Variants in MFN1 observed in about 807,000 individuals in gnomAD.
MFN1 encodes mitofusin-1.
In MFN1, 65 loss-of-function variants were observed where a neutral mutation model predicts 92.4. That is an observed-to-expected ratio of 0.70 (90% CI 0.58 to 0.86). The LOEUF is 0.86. MFN1 is among the 40% of genes least tolerant of loss of function. The pLI is 0.00. For synonymous variants in MFN1, 297 were observed against 300.9 expected, an observed-to-expected ratio of 0.99 and a Z score of 0.13; for missense variants, 781 against 868.0, an observed-to-expected ratio of 0.90 and a Z score of 1.26.
intron 14 of MFN1, among the ~76,000 whole-genome samples, chr3:179,382,073 A>G (rs1216401315): frequency 1.3e-5 from 1 of 77,220 alleles, no homozygotes; most frequent in Non-Finnish European, 2.5e-5. Flanking sequence ...GCATTTTTTT[A>G]ATTTTTTTTT....
At chr3:179,371,791 T>C (rs1713031163) in intron 9 of MFN1, among the ~76,000 whole-genome samples, 1 of 152,020 alleles carries the variant, frequency 6.6e-6, no homozygotes, top group Non-Finnish European at 1.5e-5. Flanking sequence ...GAACATGAAC[T>C]GTTTGTTAGA....
intron 9 of MFN1, among the ~76,000 whole-genome samples, chr3:179,371,096 C>A (rs191730111): frequency 6.6e-6 from 1 of 152,188 alleles, no homozygotes; most frequent in Admixed American, 6.5e-5. Flanking sequence ...ATCAATTTGA[C>A]CTGTGCCGTG....
At chr3:179,359,973 CA>C (rs143099131) in intron 4 of MFN1, 26,263 of 151,882 alleles carry the variant, frequency 0.17, 2,330 homozygotes, top group Admixed American at 0.24. Context: ...GGCTGGAGTG[CA>C]ATGGCACGAT....
chr3:179,384,335 C>T lies in MFN1; in HGVS notation c.1663-1234C>T, dbSNP rs773514815. Among the ~76,000 whole-genome samples the T allele has an allele frequency of 5.9e-5, 9 of 152,022 alleles. No homozygotes were observed. In the East Asian group the frequency reaches 1.2e-3, roughly 20 times the overall value. On this transcript the variant is annotated intron_variant, in intron 14 of 17. Coordinates refer to ENST00000471841, the MANE Select transcript of MFN1 (RefSeq NM_033540.3). ...CGTTTTCATTTCTCTTGAGTATATA[C>T]GTAGGTTCTAATGGGTATAGAGTAG...
intron 16 of MFN1, among the ~76,000 whole-genome samples, chr3:179,388,346 C>T (rs536189194): frequency 1.1e-4 from 16 of 152,320 alleles, no homozygotes; most frequent in Non-Finnish European, 1.9e-4. Context: ...TTTGCTCTCG[C>T]AGTTCAAATG....
At chr3:179,362,322 A>T (rs1712610719) in intron 4 of MFN1, 36 bp from the exon 5 acceptor site, 1 of 1,539,460 alleles carries the variant, frequency 6.5e-7, no homozygotes, top group Non-Finnish European at 8.7e-7. Flanking sequence ...TTTTATTACA[A>T]GTGGAGTTTA....
At chr3:179,364,674 A>G (rs1262997259) in intron 6 of MFN1, among the ~76,000 whole-genome samples, 1 of 152,136 alleles carries the variant, frequency 6.6e-6, no homozygotes, top group Non-Finnish European at 1.5e-5. Context: ...AGTGCCAGAA[A>G]TTTTAGGATG....
chr3:179,373,209 A>G (rs146017261), intron 9 of MFN1, among the ~76,000 whole-genome samples: 1,867 of 152,288 alleles, frequency 0.012, 35 homozygotes, highest in African/African-American at 0.043. Context: ...CTCTACCTCA[A>G]ACGAAATGCT....
chr3:179,368,245 G>T, intron 9 of MFN1, 142 bp downstream of exon 9: 1 of 443,540 alleles, frequency 2.3e-6, no homozygotes, highest in Non-Finnish European at 3.6e-6. Context: ...AGTAAAATGT[G>T]GAAAGTGAAG....
At chr3:179,390,223 TTCC>T in intron 17 of MFN1, 85 bp downstream of exon 17, 2 of 1,141,158 alleles carry the variant, frequency 1.8e-6, no homozygotes, top group Non-Finnish European at 2.3e-6. Context: ...TTTGTATTCA[TTCC>T]TAATAGCTTT....
At chr3:179,355,484 C>A (rs903424236) in intron 3 of MFN1, among the ~76,000 whole-genome samples, 1 of 151,968 alleles carries the variant, frequency 6.6e-6, no homozygotes, top group African/African-American at 2.4e-5. Context: ...AGTATAGTTA[C>A]CAAAAAGGCA....
intron 15 of MFN1, among the ~76,000 whole-genome samples, 183 bp downstream of exon 15, chr3:179,385,904 CAT>C (rs375697131): frequency 2.0e-5 from 3 of 152,220 alleles, no homozygotes; most frequent in African/African-American, 7.2e-5. Context: ...TTTTAAAAAA[CAT>C]ACATCTTTAG....
intron 4 of MFN1, 101 bp downstream of exon 4, chr3:179,359,103 A>G (rs1712463049): frequency 7.9e-7 from 1 of 1,268,390 alleles, no homozygotes; most frequent in South Asian, 2.3e-5. Context: ...CTGACATCTT[A>G]TAAAAAGAAC....
chr3:179,386,764 GA>G, intron 16 of MFN1, 135 bp downstream of exon 16: 1 of 773,112 alleles, frequency 1.3e-6, no homozygotes, highest in Non-Finnish European at 2.1e-6. Context: ...CCATAAATGA[GA>G]AAAAATAGAA....
At chr3:179,358,710 T>G in intron 3 of MFN1, 130 bp from the exon 4 acceptor site, 1 of 887,142 alleles carries the variant, frequency 1.1e-6, no homozygotes. Flanking sequence ...TGGTTAATCT[T>G]TTCATAAAAA....
intron 9 of MFN1, among the ~76,000 whole-genome samples, chr3:179,372,608 C>T (rs1344548): frequency 0.055 from 8,383 of 152,114 alleles, 496 homozygotes; most frequent in East Asian, 0.21. Context: ...TGTGGGATTA[C>T]TTTTTAATTG....
At chr3:179,360,531 C>G (rs1328736406) in intron 4 of MFN1, among the ~76,000 whole-genome samples, 1 of 146,344 alleles carries the variant, frequency 6.8e-6, no homozygotes, top group African/African-American at 2.5e-5. Flanking sequence ...TTTCTCAATT[C>G]AGTGCCACTC....
In MFN1 at chr3:179,348,948, T is replaced by G; in HGVS notation, c.97T>G (p.Ser33Ala). The change falls in exon 2 of 18, where the codon TCA becomes GCA. Residue 33 changes from serine to alanine, a missense_variant. Physicochemically the swap from Ser to Ala is moderately conservative, Grantham distance 99. Coordinates refer to ENST00000471841, the MANE Select transcript of MFN1 (RefSeq NM_033540.3). ...GTTACTGGAGTTTGTTACTGAAGGA[T>G]CACATTTTGTTGAAGGTTAGTTCTT... ...DQLLEFVTEG[S>A]HFVEATYKNP... 1.7e-5 allele frequency: 27 copies of G among 1,586,984 alleles called. No individual in the cohort carries two copies. Among genetic ancestry groups the G allele is most frequent in the Non-Finnish European group, 2.3e-5 (27 of 1,158,876 alleles).
chr3:179,387,609 T>C (rs1255452444), intron 16 of MFN1, among the ~76,000 whole-genome samples: 2 of 132,938 alleles, frequency 1.5e-5, no homozygotes, highest in African/African-American at 5.4e-5. Flanking sequence ...TTTTTTTTTT[T>C]TTTTCTGAGA....
Sources: allele counts gnomAD v4.1 joint callset (sites outside exome capture counted in the v4.1 genomes callset), GRCh38; gene constraint gnomAD v4.1.1; transcripts MANE v1.5; gene names NCBI Gene and HGNC (gene_info 2026-07-23, HGNC 2026-07-21).